Variants in KMT2C observed in about 807,000 individuals in gnomAD.
KMT2C encodes lysine methyltransferase 2C, also known as histone-lysine N-methyltransferase 2C.
KMT2C carries 88 observed loss-of-function variants against 507.9 expected under a neutral mutation model. The ratio of observed to expected loss-of-function variants is 0.17; its 90% CI spans 0.15 to 0.21. The LOEUF is 0.21. KMT2C is among the 10% of genes least tolerant of loss of function. KMT2C has a pLI of 1.00. For missense variants in KMT2C, 4,954 were observed against 5,957.8 expected, an observed-to-expected ratio of 0.83 and a Z score of 5.55; for synonymous variants, 2,049 against 2,080.8, an observed-to-expected ratio of 0.98 and a Z score of 0.42.
intron 6 of KMT2C, among the ~76,000 whole-genome samples, chr7:152,303,343 G>A (rs2096587853): frequency 6.6e-6 from 1 of 152,168 alleles, no homozygotes; most frequent in South Asian, 2.1e-4. Flanking sequence ...GTATAGTTTT[G>A]GTGTGGGAGG....
At chr7:152,233,960 C>T (rs1189794215) in intron 16 of KMT2C, among the ~76,000 whole-genome samples, 1 of 147,358 alleles carries the variant, frequency 6.8e-6, no homozygotes, top group South Asian at 2.2e-4. Context: ...CATGGCAAAA[C>T]CCCATCTGTA....
Position 152,155,903 on chromosome 7 carries a change from C to A in KMT2C, c.11960+7G>T, listed in dbSNP as rs778463947. The A allele has an allele frequency of 6.3e-7, 1 of 1,587,826 alleles. No homozygotes were observed. The highest frequency in any genetic ancestry group is 8.5e-7 in the Non-Finnish European group (1 of 1,173,784). ...TAAGAATTATTTGAGAAAAAAATAA[C>A]CTGTACCTTAATTCTTCCTGATTGT... On this transcript the variant is annotated splice_region_variant and intron_variant, in intron 46 of 58. Transcript: ENST00000262189.
chr7:152,158,757 C>CTTG (rs1587778293), intron 44 of KMT2C, 106 bp downstream of exon 44: 2 of 978,960 alleles, frequency 2.0e-6, no homozygotes, highest in East Asian at 4.8e-5. Flanking sequence ...TCAAGTGATC[C>CTTG]ACCTGCCTCA....
Position 152,146,651 on chromosome 7 carries a change from C to G in KMT2C, c.13979G>C (p.Gly4660Ala), listed in dbSNP as rs777716176. The change falls in exon 53 of 59, where the codon GGA becomes GCA. Residue 4660 changes from glycine (G) to alanine (A), a missense_variant. By Grantham distance (60) the Gly-to-Ala change is moderately conservative. Transcript: ENST00000262189. The stretch of plus-strand genomic sequence containing the variant: ...GACGGTCAGGCCAAACAGATCCTCT[C>G]CTTTTAAATACGCTGGGAAAAGCTG... Reference protein sequence around the residue: ...MLQLFPAYLKGEDLFGLTVSA... With the variant: ...MLQLFPAYLKAEDLFGLTVSA... 1 of 1,614,156 alleles carries G rather than the reference C, an allele frequency of 6.2e-7. No homozygotes were observed. The highest frequency in any genetic ancestry group is 1.1e-5 in the South Asian group (1 of 91,084).
At chr7:152,302,048 A>G (rs2096573795) in intron 6 of KMT2C, among the ~76,000 whole-genome samples, 1 of 151,544 alleles carries the variant, frequency 6.6e-6, no homozygotes, top group African/African-American at 2.5e-5. Context: ...CAAAAAGAAC[A>G]AAAATATTAA....
chr7:152,223,864 T>G, intron 20 of KMT2C, 151 bp downstream of exon 20: 2 of 588,748 alleles, frequency 3.4e-6, no homozygotes, highest in Non-Finnish European at 6.0e-6. Context: ...AGGAAATCGC[T>G]TCTGTAAGTT....
In KMT2C at chr7:152,162,241, T is replaced by A; in HGVS notation, c.11336A>T (p.His3779Leu). The change falls in exon 43 of 59, where the codon CAC (histidine) becomes CTC (leucine). Residue 3779 changes from histidine (H) to leucine (L), a missense_variant. By Grantham distance (99) the His-to-Leu change is moderately conservative. Coordinates refer to ENST00000262189, the MANE Select transcript of KMT2C (RefSeq NM_170606.3). The stretch of plus-strand genomic sequence containing the variant: ...AGATGACTTTTTATTTTTCAACAAG[T>A]GTTTCAGAAGTTCATTCCCTGAGTC... ...KGDSGNELLK[H>L]LLKNKKSSSL... 1 of 1,614,124 alleles carries A rather than the reference T, an allele frequency of 6.2e-7. No individual in the cohort carries two copies. Among genetic ancestry groups the A allele is most frequent in the Non-Finnish European group, 8.5e-7 (1 of 1,179,990 alleles).
In KMT2C at chr7:152,198,573, A is replaced by G. The variant is rs184752696; in HGVS notation, c.4273+706T>C. On this transcript the variant is annotated intron_variant, in intron 27 of 58. Transcript: ENST00000262189. ...AAGACACTTACCTACCCAATGAGTT[A>G]AACTCCTAGAGCCTTGCTGACATTG... Among the ~76,000 whole-genome samples, 222 of 152,350 alleles carry G rather than the reference A, an allele frequency of 1.5e-3. 2 individuals carry two copies. The highest frequency in any genetic ancestry group is 5.0e-3 in the African/African-American group (206 of 41,582).
Position 152,144,974 on chromosome 7 carries a change from A to T in KMT2C, c.14175-93T>A. 1 of 1,414,152 alleles carries T rather than the reference A, an allele frequency of 7.1e-7. No individual in the cohort carries two copies. The allele number at this position is 1,414,152 out of a possible 1,614,324, so 87.6% of individuals were successfully genotyped here. A position where few individuals can be genotyped will look rare whatever the true frequency, so the allele number is the denominator to read the frequency against. On this transcript the variant is annotated intron_variant, in intron 54 of 58. Transcript: ENST00000262189. The surrounding 1 kb of genome is among the most constrained non-coding windows in gnomAD (Gnocchi z 4.4). Reference sequence around the variant, plus strand: ...CAAAACCAGGTTAATTCAGATTCTTACTGACAGAAACATACATGGAAAGCT... The same window carrying T: ...CAAAACCAGGTTAATTCAGATTCTTTCTGACAGAAACATACATGGAAAGCT...
intron 6 of KMT2C, among the ~76,000 whole-genome samples, chr7:152,296,248 G>T (rs776248437): frequency 6.6e-6 from 1 of 150,914 alleles, no homozygotes; most frequent in Non-Finnish European, 1.5e-5. Context: ...GGGCAACATG[G>T]CGAAACCCCA....
At chr7:152,434,898 T>C (rs996433821) in intron 1 of KMT2C, among the ~76,000 whole-genome samples, 2 of 152,132 alleles carry the variant, frequency 1.3e-5, no homozygotes, top group Non-Finnish European at 2.9e-5. Context: ...CTCTTGGTAT[T>C]CTGCCTTACG....
Position 152,348,010 on chromosome 7 carries a change from G to A in KMT2C, c.250+10577C>T, listed in dbSNP as rs553678561. Reference sequence around the variant, plus strand: ...TCAGTAATATCAAAAATGAAAAATGGGACATCACTACAGATCCCATGGAAT... The same window carrying A: ...TCAGTAATATCAAAAATGAAAAATGAGACATCACTACAGATCCCATGGAAT... On this transcript the variant is annotated intron_variant, in intron 2 of 58. Transcript: ENST00000262189. Among the ~76,000 whole-genome samples, 7 of 152,120 alleles carry A rather than the reference G, an allele frequency of 4.6e-5. No homozygotes were observed. The East Asian group carries it at 1.4e-3, about 29-fold the overall frequency.
At chr7:152,324,045 G>A (rs2096800449) in intron 3 of KMT2C, among the ~76,000 whole-genome samples, 1 of 151,938 alleles carries the variant, frequency 6.6e-6, no homozygotes, top group African/African-American at 2.4e-5. Flanking sequence ...AAGGCAGGAA[G>A]AAGGAAATAG....
intron 2 of KMT2C, among the ~76,000 whole-genome samples, chr7:152,355,271 A>G (rs937905487): frequency 1.3e-5 from 2 of 152,322 alleles, no homozygotes; most frequent in African/African-American, 4.8e-5. Context: ...ACTGGAAGAG[A>G]GGGTTTCAGG....
intron 26 of KMT2C, among the ~76,000 whole-genome samples, chr7:152,201,542 C>G (rs1267709678): frequency 6.9e-6 from 1 of 144,994 alleles, no homozygotes; most frequent in African/African-American, 2.6e-5. Context: ...AAGTAGGTTG[C>G]CATCACAATA....
chr7:152,294,200 C>A (rs973158252), intron 6 of KMT2C, among the ~76,000 whole-genome samples: 2 of 152,164 alleles, frequency 1.3e-5, no homozygotes, highest in Non-Finnish European at 2.9e-5. Context: ...ATATGCCTAA[C>A]GGCATTCCAA....
intron 1 of KMT2C, among the ~76,000 whole-genome samples, chr7:152,430,773 T>C (rs2097857052): frequency 6.6e-6 from 1 of 152,156 alleles, no homozygotes; most frequent in Non-Finnish European, 1.5e-5. Context: ...GATTAAGTGA[T>C]CCTCCTGACT....
chr7:152,212,096 AAGAC>A (rs532346644), intron 23 of KMT2C, among the ~76,000 whole-genome samples: 32 of 152,258 alleles, frequency 2.1e-4, no homozygotes, highest in African/African-American at 5.3e-4. Context: ...GACAGAAAGA[AAGAC>A]AGACAGAAAG....
At chr7:152,175,434 C>T (rs1012130285) in intron 38 of KMT2C, among the ~76,000 whole-genome samples, 1 of 152,048 alleles carries the variant, frequency 6.6e-6, no homozygotes, top group East Asian at 1.9e-4. Context: ...CCGTCATCTA[C>T]ATTAGGTATT....
Sources: allele counts gnomAD v4.1 joint callset (sites outside exome capture counted in the v4.1 genomes callset), GRCh38; gene constraint gnomAD v4.1.1; non-coding constraint Gnocchi (gnomAD v3.1); transcripts MANE v1.5; gene names NCBI Gene and HGNC (gene_info 2026-07-23, HGNC 2026-07-21).